AP3S1: variants seen among roughly 807,000 people sequenced by gnomAD.
AP3S1 encodes the protein adaptor related protein complex 3 subunit sigma 1.
In AP3S1, 12 loss-of-function variants were observed where a neutral mutation model predicts 21.3. That is an observed-to-expected ratio of 0.56 (90% confidence interval 0.36 to 0.91). The LOEUF (loss-of-function observed/expected upper bound fraction) is 0.91, where lower values mean the gene tolerates loss of function less well. Ranked by LOEUF, AP3S1 falls within the 40% of genes least tolerant of loss-of-function variation. AP3S1 has a pLI of 0.01. For synonymous variants in AP3S1, 48 were observed against 78.4 expected (o/e 0.61, Z 2.05); for missense variants, 116 against 225.0 (o/e 0.52, Z 3.10).
intron 1 of AP3S1, among the ~76,000 whole-genome samples, 160 bp from the exon 2 acceptor site, chr5:115,866,510 G>A (rs553652852): frequency 3.9e-5 from 6 of 151,970 alleles, no homozygotes; most frequent in African/African-American, 1.2e-4. Context: ...AAAAATACTG[G>A]GTTTTGCTTC....
At chr5:115,911,169 A>G (rs1340943698) in intron 5 of AP3S1, among the ~76,000 whole-genome samples, 1 of 152,174 alleles carries the variant, frequency 6.6e-6, no homozygotes, top group Non-Finnish European at 1.5e-5. Flanking sequence ...AATGAAATTT[A>G]ACAGGATGCA....
chr5:115,862,350 T>C (rs541549292), intron 1 of AP3S1, among the ~76,000 whole-genome samples: 15 of 152,292 alleles, frequency 9.8e-5, no homozygotes, highest in African/African-American at 3.6e-4. Context: ...TTTGGAGATA[T>C]GTTATCAATG....
chr5:115,868,087 G>A lies in AP3S1; in HGVS notation c.161+1326G>A, dbSNP rs1324571060. 2.0e-5 allele frequency among the ~76,000 whole-genome samples: 3 copies of A among 152,196 alleles called. No individual in the cohort carries two copies. In the East Asian group the frequency reaches 5.8e-4, roughly 29 times the overall value. On this transcript the variant is annotated intron_variant, in intron 2 of 5. Transcript: ENST00000316788. ...TGGACTAACAGGATTTCTCAGTCCT[G>A]TGGTTTTATATGATGTATTACATTC...
chr5:115,907,032 T>C, intron 5 of AP3S1: 1 of 961,068 alleles, frequency 1.0e-6, no homozygotes, highest in South Asian at 4.8e-5. Context: ...CATCTTTTAT[T>C]GGACTTAGTG....
At chr5:115,896,086 A>G (rs1263089235) in intron 4 of AP3S1, among the ~76,000 whole-genome samples, 1 of 152,152 alleles carries the variant, frequency 6.6e-6, no homozygotes, top group Non-Finnish European at 1.5e-5. Context: ...AATTTTAGCA[A>G]AAAAAATCCA....
chr5:115,851,857 C>A (rs572981351), intron 1 of AP3S1, among the ~76,000 whole-genome samples: 9 of 151,884 alleles, frequency 5.9e-5, no homozygotes, highest in African/African-American at 1.9e-4. Context: ...GTTGTTGTTG[C>A]TGGTGCTTGC....
chr5:115,852,181 C>G (rs1762483862), intron 1 of AP3S1, among the ~76,000 whole-genome samples: 1 of 152,014 alleles, frequency 6.6e-6, no homozygotes, highest in African/African-American at 2.4e-5. Context: ...TGAATTATCT[C>G]TTTTATTTTA....
At chr5:115,887,035 C>G (rs1015764453) in intron 3 of AP3S1, among the ~76,000 whole-genome samples, 2 of 152,200 alleles carry the variant, frequency 1.3e-5, no homozygotes, top group Non-Finnish European at 2.9e-5. Flanking sequence ...ATTTACATAT[C>G]TTAAACACCA....
At chr5:115,910,880 A>G (rs1752046820) in intron 5 of AP3S1, among the ~76,000 whole-genome samples, 1 of 152,134 alleles carries the variant, frequency 6.6e-6, no homozygotes, top group African/African-American at 2.4e-5. Context: ...CTACCATTTA[A>G]ATTCATGGCA....
chr5:115,845,981 A>G (rs1032327338), intron 1 of AP3S1, among the ~76,000 whole-genome samples: 3 of 149,018 alleles, frequency 2.0e-5, no homozygotes, highest in Admixed American at 1.3e-4. Context: ...TTTTAAGTTG[A>G]TACTTAGCTT....
In AP3S1 at chr5:115,880,800, T is replaced by C. The variant is rs375734378; in HGVS notation, c.273+10672T>C. On this transcript the variant is annotated intron_variant, in intron 3 of 5. Transcript: ENST00000316788. ...GATCTGTCTAATATTGACAATGGGG[T>C]GTTAAACTCTCCCACTATTATGTGG... Among the ~76,000 whole-genome samples the C allele has an allele frequency of 1.6e-3, 251 of 152,220 alleles. 5 individuals are homozygous for C. In the South Asian group the frequency reaches 0.05, roughly 30 times the overall value.
intron 1 of AP3S1, among the ~76,000 whole-genome samples, chr5:115,865,459 A>T (rs912978447): frequency 1.3e-5 from 2 of 152,070 alleles, no homozygotes; most frequent in African/African-American, 2.4e-5. Context: ...ATTGTTTTTG[A>T]TCTTCAAAAA....
At chr5:115,858,430 C>T (rs968660635) in intron 1 of AP3S1, among the ~76,000 whole-genome samples, 13 of 152,158 alleles carry the variant, frequency 8.5e-5, no homozygotes, top group South Asian at 6.2e-4. Flanking sequence ...TTTATACCTT[C>T]CAAAAAGTTG....
intron 2 of AP3S1, among the ~76,000 whole-genome samples, chr5:115,869,183 A>G (rs1747997167): frequency 6.6e-6 from 1 of 152,242 alleles, no homozygotes; most frequent in Non-Finnish European, 1.5e-5. Context: ...TTTCTAAAAT[A>G]CTAAAATTCC....
At chr5:115,902,853 T>C in intron 4 of AP3S1, 32 bp from the exon 5 acceptor site, 1 of 1,249,614 alleles carries the variant, frequency 8.0e-7, no homozygotes, top group Non-Finnish European at 1.1e-6. Flanking sequence ...GTGAATTTTC[T>C]TTATGGGTAT....
At chr5:115,884,131 C>G (rs934591971) in intron 3 of AP3S1, among the ~76,000 whole-genome samples, 1 of 151,976 alleles carries the variant, frequency 6.6e-6, no homozygotes, top group Admixed American at 6.5e-5. Flanking sequence ...TAATGTGGTA[C>G]CCTATAAAAC....
At chr5:115,860,591 C>T (rs1763103488) in intron 1 of AP3S1, among the ~76,000 whole-genome samples, 1 of 152,154 alleles carries the variant, frequency 6.6e-6, no homozygotes. Context: ...AGCACCAATT[C>T]ATGAGGTTTT....
At chr5:115,847,089 AAG>A (rs1762119192) in intron 1 of AP3S1, among the ~76,000 whole-genome samples, 1 of 152,172 alleles carries the variant, frequency 6.6e-6, no homozygotes, top group South Asian at 2.1e-4. Context: ...TCAATTCAGA[AAG>A]AGACAACCAT....
intron 5 of AP3S1, among the ~76,000 whole-genome samples, chr5:115,910,629 T>C (rs1752024878): frequency 6.6e-6 from 1 of 152,186 alleles, no homozygotes; most frequent in African/African-American, 2.4e-5. Flanking sequence ...CAGGCATCAC[T>C]TTCATGAATG....
Sources: allele counts gnomAD v4.1 joint callset (sites outside exome capture counted in the v4.1 genomes callset), GRCh38; gene constraint gnomAD v4.1.1; transcripts MANE v1.5; gene names NCBI Gene and HGNC (gene_info 2026-07-23, HGNC 2026-07-21).